Variants in MCF2L2 observed in about 807,000 individuals in gnomAD.
MCF2L2 encodes probable guanine nucleotide exchange factor MCF2L2.
A neutral mutation model predicts 150.2 loss-of-function variants in MCF2L2; 102 were observed. The ratio of observed to expected loss-of-function variants is 0.68; its 90% confidence interval spans 0.58 to 0.80. The LOEUF is 0.80. Among genes scored for constraint, MCF2L2 ranks in the 30% least tolerant of loss-of-function variants. The probability of loss-of-function intolerance (pLI) is 0.00; values close to 1 mark genes in which losing one functional copy is unlikely to be tolerated. For missense variants in MCF2L2, 1,256 were observed against 1,372.8 expected, an observed-to-expected ratio of 0.91 and a Z score of 1.34; for synonymous variants, 465 against 491.3, an observed-to-expected ratio of 0.95 and a Z score of 0.71.
intron 1 of MCF2L2, among the ~76,000 whole-genome samples, chr3:183,402,809 A>G (rs13078411): frequency 0.36 from 54,143 of 151,632 alleles, 9,811 homozygotes; most frequent in Middle Eastern, 0.41. Context: ...AATCAATGAA[A>G]AAATACTTAA....
At chr3:183,228,445 A>G (rs576183561) in intron 17 of MCF2L2, 79 bp from the exon 18 acceptor site, 1 of 958,182 alleles carries the variant, frequency 1.0e-6, no homozygotes, top group South Asian at 1.4e-5. Context: ...ACAATCACAT[A>G]AGGTTTCAAG....
intron 1 of MCF2L2, among the ~76,000 whole-genome samples, chr3:183,402,593 G>A (rs1714827572): frequency 4.6e-5 from 7 of 151,810 alleles, no homozygotes; most frequent in Admixed American, 4.6e-4. Context: ...TTTAGCCCAG[G>A]AGTTCGAGAC....
chr3:183,368,879 T>C lies in MCF2L2; in HGVS notation c.275+10418A>G, dbSNP rs140153256. Reference sequence around the variant, plus strand: ...GAATGTACATCATTACTAAATTTGATGCCATGTTTATCATCTCCGTGAGGA... The same window carrying C: ...GAATGTACATCATTACTAAATTTGACGCCATGTTTATCATCTCCGTGAGGA... On this transcript the variant is annotated intron_variant, in intron 3 of 29. Coordinates refer to ENST00000328913, the MANE Select transcript of MCF2L2 (RefSeq NM_015078.4). Among the ~76,000 whole-genome samples, 943 of 152,346 alleles carry C rather than the reference T, an allele frequency of 6.2e-3. 9 individuals carry two copies. Among genetic ancestry groups the C allele is most frequent in the African/African-American group, 0.022 (913 of 41,582 alleles).
At position 183,305,474 on chromosome 3, in the gene MCF2L2, G is replaced by A. The variant is rs1338140484; in HGVS notation, c.1113+4242C>T. On this transcript the variant is annotated intron_variant, in intron 10 of 29. Coordinates refer to ENST00000328913, the MANE Select transcript of MCF2L2 (RefSeq NM_015078.4). The surrounding 1 kb of genome is among the most constrained non-coding windows in gnomAD (Gnocchi z 4.1). ...TCAGCATACAGTATTTCACCCTTCA[G>A]AATTTTCCAGAAGACATTTGAGATG... is the stretch of plus-strand genomic sequence containing the variant. Among the ~76,000 whole-genome samples the A allele has an allele frequency of 6.6e-6, 1 of 152,104 alleles. No individual in the cohort carries two copies. Among genetic ancestry groups the A allele is most frequent in the African/African-American group, 2.4e-5 (1 of 41,422 alleles).
At position 183,270,093 on chromosome 3, in the gene MCF2L2, G is replaced by A; in HGVS notation, c.1862+6779C>T. ...TTTACTGTTTGTAAAAACTGCTCCT[G>A]AAAACTATGATCGACGTTCCGGAAT... On this transcript the variant is annotated intron_variant, in intron 15 of 29. Transcript: ENST00000328913. This position sits in a 1 kb window ranked among gnomAD's most constrained non-coding sequence, Gnocchi z 4.5. 3 of 1,614,138 alleles carry A rather than the reference G, an allele frequency of 1.9e-6. No individual in the cohort carries two copies. Among genetic ancestry groups the A allele is most frequent in the Non-Finnish European group, 1.7e-6 (2 of 1,180,044 alleles).
intron 22 of MCF2L2, among the ~76,000 whole-genome samples, chr3:183,211,062 A>C (rs1722701318): frequency 6.6e-6 from 1 of 152,184 alleles, no homozygotes; most frequent in African/African-American, 2.4e-5. Flanking sequence ...AGGAAACAGA[A>C]CTATGAAGAA....
At chr3:183,331,356 C>T (rs1730265884) in intron 5 of MCF2L2, among the ~76,000 whole-genome samples, 1 of 152,212 alleles carries the variant, frequency 6.6e-6, no homozygotes, top group Admixed American at 6.5e-5. Context: ...GACCCCTGGA[C>T]ATGTGGATAT....
chr3:183,316,328 T>TG (rs1729602346), intron 7 of MCF2L2, among the ~76,000 whole-genome samples: 1 of 144,618 alleles, frequency 6.9e-6, no homozygotes, highest in African/African-American at 2.7e-5. Context: ...TTTATTTTGG[T>TG]GTTTTTTTGT....
chr3:183,411,296 G>A (rs1005111581), intron 1 of MCF2L2, among the ~76,000 whole-genome samples: 15 of 152,190 alleles, frequency 9.9e-5, no homozygotes, highest in African/African-American at 3.1e-4. Context: ...CCATGACAAT[G>A]AGATAGTCTT....
In MCF2L2 at chr3:183,311,673, G is replaced by T. The variant is rs758202299; in HGVS notation, c.853C>A (p.Leu285Ile). 2 of 1,614,034 alleles carry T rather than the reference G, an allele frequency of 1.2e-6. No homozygotes were observed. The highest frequency in any genetic ancestry group is 2.2e-5 in the South Asian group (2 of 91,078). ...CTTTCCATGGTAGTTACATTCTCAA[G>T]TTGGTTGAGATTGAGTTTGCTGTTG... ...CPNSKLNLNQ[L>I]ENVTTMERLL... Residue 285 changes from leucine to isoleucine, a missense_variant, in exon 8 of 30, where the codon CTT (leucine) becomes ATT (isoleucine). Physicochemically the swap from Leu to Ile is conservative, Grantham distance 5. Transcript: ENST00000328913.
chr3:183,289,095 A>G lies in MCF2L2; in HGVS notation c.1776+25T>C, dbSNP rs368134080. On this transcript the variant is annotated intron_variant, in intron 14 of 29. Transcript: ENST00000328913. ...ATCTTCCCTCTTGTCAGGAAGTTCT[A>G]TAAGTAAAATAAAGGTAATTTTACC... The G allele has an allele frequency of 4.8e-6, 7 of 1,470,256 alleles. No individual in the cohort carries two copies. In the East Asian group the frequency reaches 1.4e-4, roughly 29 times the overall value. 91.1% of individuals were successfully genotyped at this position (1,470,256 alleles called of 1,614,324 possible). A position where few individuals can be genotyped will look rare whatever the true frequency, so the allele number is the denominator to read the frequency against.
chr3:183,323,623 C>A (rs1729904345), intron 5 of MCF2L2, among the ~76,000 whole-genome samples: 1 of 150,926 alleles, frequency 6.6e-6, no homozygotes. Flanking sequence ...AAGACCCCAT[C>A]ACTAGAAAAA....
chr3:183,428,153 C>T lies in MCF2L2; in HGVS notation c.-176G>A, dbSNP rs960527289. The T allele has an allele frequency of 1.7e-6, 1 of 593,380 alleles. No homozygotes were observed. The highest frequency in any genetic ancestry group is 3.0e-6 in the Non-Finnish European group (1 of 335,548). The allele number at this position is 593,380 out of a possible 1,614,324, so 36.8% of individuals were successfully genotyped here. ...CCTAGGCCAGCTCTCCCTCGCCACG[C>T]CCCGCGGGGGCTCCCGTGACAGACC... On this transcript the variant is annotated 5_prime_UTR_variant, in exon 1 of 30. Transcript: ENST00000328913. This position sits in a 1 kb window ranked among gnomAD's most constrained non-coding sequence, Gnocchi z 5.1.
chr3:183,264,355 TC>T (rs1380274588), intron 15 of MCF2L2, among the ~76,000 whole-genome samples: 1 of 152,208 alleles, frequency 6.6e-6, no homozygotes, highest in Non-Finnish European at 1.5e-5. Flanking sequence ...CCCAGAGACT[TC>T]CCTCTTGTGC....
chr3:183,276,847 T>C (rs764085628), intron 15 of MCF2L2, 25 bp downstream of exon 15: 11 of 1,574,412 alleles, frequency 7.0e-6, no homozygotes, highest in Non-Finnish European at 9.5e-6. Context: ...CCTCGCCCCC[T>C]GCACCCACGG....
At position 183,379,280 on chromosome 3, in the gene MCF2L2, C is replaced by T. The variant is rs1378949444; in HGVS notation, c.275+17G>A. The T allele has an allele frequency of 1.3e-6, 2 of 1,578,196 alleles. No individual in the cohort carries two copies. Among genetic ancestry groups the T allele is most frequent in the East Asian group, 4.6e-5 (2 of 43,376 alleles). On this transcript the variant is annotated intron_variant, in intron 3 of 29. Transcript: ENST00000328913. The stretch of plus-strand genomic sequence containing the variant: ...AAAGCCAGTGCCTAAGGCGGCAGGA[C>T]ACTGTGCTCAGCTCACCTGGGGATG...
At chr3:183,211,338 C>T (rs1320498619) in intron 22 of MCF2L2, among the ~76,000 whole-genome samples, 1 of 152,092 alleles carries the variant, frequency 6.6e-6, no homozygotes, top group Non-Finnish European at 1.5e-5. Context: ...TCCAGTAAGC[C>T]CATTATTACT....
Position 183,178,728 on chromosome 3 carries a change from T to C in MCF2L2, c.*652A>G, listed in dbSNP as rs905009604. 3 of 152,172 alleles carry C rather than the reference T, an allele frequency of 2.0e-5. No individual in the cohort carries two copies. The highest frequency in any genetic ancestry group is 2.0e-4 in the Admixed American group (3 of 15,282). The allele number at this position is 152,172 out of a possible 1,614,324, so 9.4% of individuals were successfully genotyped here. On this transcript the variant is annotated 3_prime_UTR_variant, in exon 30 of 30. Transcript: ENST00000328913. Reference sequence around the variant, plus strand: ...ACTCATTTAAAAACTAATAAATCGATACATAAAATACCTCAGAAAGTAACT... The same window carrying C: ...ACTCATTTAAAAACTAATAAATCGACACATAAAATACCTCAGAAAGTAACT...
intron 15 of MCF2L2, among the ~76,000 whole-genome samples, chr3:183,242,610 G>C (rs1724078955): frequency 6.6e-6 from 1 of 152,220 alleles, no homozygotes. Context: ...AGAAATGCCT[G>C]GATGTCCAGG....
Sources: gnomAD v4.1 joint callset for allele counts (sites outside exome capture counted in the v4.1 genomes callset) on GRCh38, gnomAD v4.1.1 for gene constraint, Gnocchi (gnomAD v3.1) non-coding constraint, MANE v1.5 for transcripts, NCBI Gene and HGNC (gene_info 2026-07-23, HGNC 2026-07-21) for gene names.